Variants in KCNH1 observed in about 807,000 individuals in gnomAD.
KCNH1 encodes the protein potassium voltage-gated channel subfamily H member 1.
KCNH1 carries 27 observed loss-of-function variants against 69.2 expected under a neutral mutation model. The ratio of observed to expected loss-of-function variants is 0.39; its 90% confidence interval spans 0.29 to 0.54. KCNH1 has a LOEUF of 0.54. KCNH1 is among the 20% of genes least tolerant of loss of function. The pLI, the probability that KCNH1 is intolerant of heterozygous loss-of-function variation, is 0.68. For synonymous variants in KCNH1, 456 were observed against 487.7 expected, an observed-to-expected ratio of 0.93 and a Z score of 0.86; for missense variants, 798 against 1,261.6, an observed-to-expected ratio of 0.63 and a Z score of 5.57.
intron 5 of KCNH1, among the ~76,000 whole-genome samples, chr1:211,044,521 G>A (rs1558580536): frequency 6.6e-6 from 1 of 152,074 alleles, no homozygotes. Context: ...ATCTGACAAC[G>A]GACTAATATC....
intron 10 of KCNH1, among the ~76,000 whole-genome samples, chr1:210,690,063 G>T (rs1178953006): frequency 6.6e-6 from 1 of 152,212 alleles, no homozygotes; most frequent in African/African-American, 2.4e-5. Flanking sequence ...GCCAGACTCA[G>T]CCCTCCTAGG....
At chr1:210,704,296 C>T (rs1329881035) in intron 10 of KCNH1, among the ~76,000 whole-genome samples, 1 of 152,290 alleles carries the variant, frequency 6.6e-6, no homozygotes, top group African/African-American at 2.4e-5. Flanking sequence ...AGGTTATCAA[C>T]CTCATTTCTA....
chr1:210,773,621 G>A (rs546576277), intron 10 of KCNH1, among the ~76,000 whole-genome samples: 3 of 152,052 alleles, frequency 2.0e-5, no homozygotes, highest in African/African-American at 7.2e-5. Flanking sequence ...CCTCCCAGTA[G>A]ATCATTGGCC....
At chr1:210,730,463 T>C (rs1052933124) in intron 10 of KCNH1, among the ~76,000 whole-genome samples, 3 of 152,074 alleles carry the variant, frequency 2.0e-5, no homozygotes, top group African/African-American at 7.2e-5. Context: ...GGTAGCAAAT[T>C]GGTTTTGAAC....
At chr1:210,977,346 T>C (rs2102373803) in intron 6 of KCNH1, among the ~76,000 whole-genome samples, 1 of 152,064 alleles carries the variant, frequency 6.6e-6, no homozygotes, top group East Asian at 1.9e-4. Context: ...CTAATGTAAA[T>C]GATGAGTTGA....
intron 5 of KCNH1, among the ~76,000 whole-genome samples, chr1:211,050,637 T>A (rs916504379): frequency 2.0e-5 from 3 of 152,220 alleles, no homozygotes; most frequent in African/African-American, 7.2e-5. Context: ...TCAGTTGTAT[T>A]CTTTTAACTT....
intron 7 of KCNH1, among the ~76,000 whole-genome samples, chr1:210,866,768 C>A (rs1686118728): frequency 6.6e-6 from 1 of 151,998 alleles, no homozygotes; most frequent in African/African-American, 2.4e-5. Flanking sequence ...CCAAAAAAGG[C>A]AGAAACAAAT....
At chr1:210,780,830 G>A (rs559717594) in intron 9 of KCNH1, among the ~76,000 whole-genome samples, 10 of 152,252 alleles carry the variant, frequency 6.6e-5, no homozygotes, top group Non-Finnish European at 1.2e-4. Flanking sequence ...GGCAGATCAC[G>A]AGGTCAGGAG....
At chr1:211,131,986 A>T (rs1006744210) in intron 1 of KCNH1, among the ~76,000 whole-genome samples, 6 of 152,180 alleles carry the variant, frequency 3.9e-5, no homozygotes, top group African/African-American at 1.4e-4. Context: ...GATCAACTAA[A>T]ATAGACAGTA....
chr1:210,843,655 C>T (rs1192002310), intron 7 of KCNH1, among the ~76,000 whole-genome samples: 2 of 152,180 alleles, frequency 1.3e-5, no homozygotes, highest in Non-Finnish European at 2.9e-5. Flanking sequence ...CCAGAGGTCA[C>T]AGGATCATGT....
At chr1:210,977,357 T>C (rs954456417) in intron 6 of KCNH1, among the ~76,000 whole-genome samples, 2 of 152,070 alleles carry the variant, frequency 1.3e-5, no homozygotes, top group Non-Finnish European at 2.9e-5. Flanking sequence ...GATGAGTTGA[T>C]GGGTGCAGCA....
chr1:210,751,957 G>A (rs1295630435), intron 10 of KCNH1, among the ~76,000 whole-genome samples: 2 of 152,086 alleles, frequency 1.3e-5, no homozygotes, highest in African/African-American at 4.8e-5. Context: ...GACTGAGGAA[G>A]GCTGCAAGCA....
chr1:211,049,687 G>A (rs1284256142), intron 5 of KCNH1, among the ~76,000 whole-genome samples: 3 of 152,170 alleles, frequency 2.0e-5, no homozygotes, highest in African/African-American at 4.8e-5. Context: ...CCAGTATGGA[G>A]GCAAGGAGGC....
At chr1:210,876,544 C>T (rs1224479019) in intron 7 of KCNH1, among the ~76,000 whole-genome samples, 1 of 152,144 alleles carries the variant, frequency 6.6e-6, no homozygotes, top group African/African-American at 2.4e-5. Flanking sequence ...CCAGGGCTAA[C>T]TAGGTCTATG....
At chr1:211,013,116 T>C (rs1186895867) in intron 6 of KCNH1, among the ~76,000 whole-genome samples, 1 of 152,172 alleles carries the variant, frequency 6.6e-6, no homozygotes, top group African/African-American at 2.4e-5. Context: ...GAGTCACCTG[T>C]GTGAAAACTG....
At chr1:210,889,105 A>G (rs966708514) in intron 7 of KCNH1, among the ~76,000 whole-genome samples, 4 of 152,222 alleles carry the variant, frequency 2.6e-5, no homozygotes, top group Middle Eastern at 3.2e-3. Context: ...CAACAAAAAA[A>G]GAAAATTTCA....
At chr1:210,784,505 T>A (rs1338563304) in intron 9 of KCNH1, among the ~76,000 whole-genome samples, 1 of 152,124 alleles carries the variant, frequency 6.6e-6, no homozygotes, top group East Asian at 1.9e-4. Flanking sequence ...TGTTGGGGTG[T>A]CAAGTGCTTA....
intron 7 of KCNH1, among the ~76,000 whole-genome samples, chr1:210,820,461 C>G (rs1684906315): frequency 6.6e-6 from 1 of 152,012 alleles, no homozygotes; most frequent in Non-Finnish European, 1.5e-5. Context: ...TGGTGAAACC[C>G]TGTCTCTACT....
chr1:211,027,552 C>G (rs1689706890), intron 5 of KCNH1, among the ~76,000 whole-genome samples: 1 of 150,920 alleles, frequency 6.6e-6, no homozygotes, highest in Non-Finnish European at 1.5e-5. Context: ...AGGAGTGAGC[C>G]ATGATCACTC....
Sources: gnomAD v4.1 joint callset for allele counts (sites outside exome capture counted in the v4.1 genomes callset) on GRCh38, gnomAD v4.1.1 for gene constraint, MANE v1.5 for transcripts, NCBI Gene and HGNC (gene_info 2026-07-23, HGNC 2026-07-21) for gene names.